The following BTLA variants were observed in gnomAD, a reference collection of about 807,000 sequenced individuals.
BTLA encodes the protein B- and T-lymphocyte attenuator.
In BTLA, 11 loss-of-function variants were observed where a neutral mutation model predicts 25.0. The ratio of observed to expected loss-of-function variants is 0.44; its 90% confidence interval spans 0.28 to 0.73. BTLA has a LOEUF of 0.73. BTLA is among the 30% of genes least tolerant of loss of function. BTLA has a pLI of 0.15. For synonymous variants in BTLA, 104 were observed against 119.8 expected (o/e 0.87, Z 0.86); for missense variants, 282 against 332.8 (o/e 0.85, Z 1.19).
intron 1 of BTLA, among the ~76,000 whole-genome samples, chr3:112,483,634 A>C (rs2082330216): frequency 6.6e-6 from 1 of 152,090 alleles, no homozygotes; most frequent in Non-Finnish European, 1.5e-5. Context: ...GGAAATAAAA[A>C]TGAATGGCAA....
At chr3:112,471,170 C>T in intron 3 of BTLA, 42 bp downstream of exon 3, 1 of 1,592,030 alleles carries the variant, frequency 6.3e-7, no homozygotes, top group Admixed American at 1.8e-5. Flanking sequence ...AAGAATGGCC[C>T]CAAATGTGTG....
At chr3:112,485,939 C>T (rs1302564444) in intron 1 of BTLA, among the ~76,000 whole-genome samples, 1 of 152,138 alleles carries the variant, frequency 6.6e-6, no homozygotes, top group Non-Finnish European at 1.5e-5. Flanking sequence ...GGTGAAACCC[C>T]GTCTCTACTA....
At chr3:112,485,263 T>G (rs1372717823) in intron 1 of BTLA, among the ~76,000 whole-genome samples, 3 of 152,114 alleles carry the variant, frequency 2.0e-5, no homozygotes, top group Non-Finnish European at 4.4e-5. Flanking sequence ...CAGGCTGATC[T>G]CGAACTCCTG....
chr3:112,474,230 A>AT (rs978029012), intron 2 of BTLA, among the ~76,000 whole-genome samples: 7 of 152,200 alleles, frequency 4.6e-5, no homozygotes, highest in Admixed American at 3.9e-4. Context: ...AAAATAAAAT[A>AT]TTTTTTATCA....
At chr3:112,488,660 C>G (rs2082362898) in intron 1 of BTLA, among the ~76,000 whole-genome samples, 1 of 152,214 alleles carries the variant, frequency 6.6e-6, no homozygotes, top group South Asian at 2.1e-4. Context: ...GTCACCCAGG[C>G]TGGAGTGCAG....
In BTLA at chr3:112,466,110, A is replaced by T. The variant is rs767706334; in HGVS notation, c.868T>A (p.Ter290LysextTer4). The T allele has an allele frequency of 1.4e-5, 22 of 1,584,646 alleles. No individual in the cohort carries two copies. The highest frequency in any genetic ancestry group is 1.8e-5 in the Non-Finnish European group (21 of 1,158,386). Reference protein sequence around the residue: ...TEYASICVRS* With the variant: ...TEYASICVRSK Reference sequence around the variant, plus strand: ...CCCTGTTGGAGTCAGAAACAGACTTAACTCCTCACACATATGGATGCATAT... The same window carrying T: ...CCCTGTTGGAGTCAGAAACAGACTTTACTCCTCACACATATGGATGCATAT... Residue 290 changes from the stop codon to lysine, a stop_lost, in exon 5 of 5, where the codon TAA becomes AAA. Coordinates refer to ENST00000334529, the MANE Select transcript of BTLA (RefSeq NM_181780.4).
intron 4 of BTLA, 131 bp downstream of exon 4, chr3:112,469,627 A>AGAATATG: frequency 5.9e-5 from 2 of 33,962 alleles, no homozygotes; most frequent in Non-Finnish European, 9.1e-5. Context: ...ATATATATAT[A>AGAATATG]TATATATATA....
At chr3:112,469,899 G>A in intron 3 of BTLA, 95 bp from the exon 4 acceptor site, 1 of 977,142 alleles carries the variant, frequency 1.0e-6, no homozygotes, top group Non-Finnish European at 1.6e-6. Context: ...GAATGCCAGG[G>A]ATAGTGTTGT....
rs753413000 is a variant in BTLA, at chr3:112,466,161, T to G, written c.817A>C (p.Arg273=). 6 of 1,610,984 alleles carry G rather than the reference T, an allele frequency of 3.7e-6. No individual in the cohort carries two copies. Among genetic ancestry groups the G allele is most frequent in the Non-Finnish European group, 5.1e-6 (6 of 1,177,506 alleles). Residue 273 remains arginine (R), a synonymous_variant, in exon 5 of 5, where the codon AGA becomes CGA. Coordinates refer to ENST00000334529, the MANE Select transcript of BTLA (RefSeq NM_181780.4). ...TCTGTTGGTGCTTCTTTTACATTTC[T>G]TGCCAGTCTTGAGTTCGGTCCAATG... The part of the protein sequence containing the change: ...SVIGPNSRLA[R]NVKEAPTEYA...
intron 2 of BTLA, among the ~76,000 whole-genome samples, chr3:112,474,652 A>G (rs1020274889): frequency 1.1e-4 from 16 of 152,214 alleles, no homozygotes; most frequent in African/African-American, 3.9e-4. Context: ...AATTGGTAAA[A>G]AGGAGTGATC....
At chr3:112,475,507 T>C (rs2082284490) in intron 2 of BTLA, among the ~76,000 whole-genome samples, 1 of 152,212 alleles carries the variant, frequency 6.6e-6, no homozygotes, top group South Asian at 2.1e-4. Flanking sequence ...ACTTGATCCC[T>C]AGAACAGGCA....
Position 112,494,109 on chromosome 3 carries a change from C to CA in BTLA, c.88+5161dup, listed in dbSNP as rs1224424668. 9.6e-3 allele frequency among the ~76,000 whole-genome samples: 1,385 copies of CA among 144,018 alleles called. 14 individuals carry two copies. Among genetic ancestry groups the CA allele is most frequent in the African/African-American group, 0.029 (1,153 of 39,422 alleles). 94.5% of individuals were successfully genotyped at this position (144,018 alleles called of 152,430 possible). On this transcript the variant is annotated intron_variant, in intron 1 of 4. Transcript: ENST00000334529. ...TGGGCGACAGAGCGACACTCTATCT[C>CA]AAAAAAAAAAAGAAGACATTTATGC...
intron 2 of BTLA, among the ~76,000 whole-genome samples, chr3:112,478,421 G>C (rs1245314368): frequency 1.3e-5 from 2 of 151,840 alleles, no homozygotes; most frequent in African/African-American, 4.8e-5. Flanking sequence ...AATTTTCTTT[G>C]TGGATTGTTT....
chr3:112,472,721 T>C (rs2082269459), intron 2 of BTLA, among the ~76,000 whole-genome samples: 1 of 152,024 alleles, frequency 6.6e-6, no homozygotes, highest in Non-Finnish European at 1.5e-5. Flanking sequence ...ATTAATTATA[T>C]TATAATGTTA....
At chr3:112,466,521 CT>C in intron 4 of BTLA, 138 bp from the exon 5 acceptor site, 8 of 725,282 alleles carry the variant, frequency 1.1e-5, no homozygotes, top group South Asian at 6.0e-5. Flanking sequence ...ACATACTCTG[CT>C]GACATCTACA....
intron 1 of BTLA, among the ~76,000 whole-genome samples, chr3:112,487,642 G>T (rs1280278273): frequency 6.6e-6 from 1 of 152,010 alleles, no homozygotes; most frequent in Non-Finnish European, 1.5e-5. Context: ...ACAGACAATG[G>T]AGCCACTTGT....
intron 4 of BTLA, among the ~76,000 whole-genome samples, chr3:112,467,897 G>A (rs944393455): frequency 6.6e-6 from 1 of 152,224 alleles, no homozygotes; most frequent in Non-Finnish European, 1.5e-5. Context: ...TTTTCAATCT[G>A]TTTAAGCCTG....
In BTLA at chr3:112,465,837, T is replaced by C. The variant is rs530777263; in HGVS notation, c.*271A>G. The C allele has an allele frequency of 3.4e-6, 1 of 296,714 alleles. No individual in the cohort carries two copies. The highest frequency in any genetic ancestry group is 1.3e-4 in the South Asian group (1 of 7,738). 18.4% of individuals were successfully genotyped at this position (296,714 alleles called of 1,614,324 possible). A position where few individuals can be genotyped will look rare whatever the true frequency, so the allele number is the denominator to read the frequency against. ...TATATTGGGTAAAATGTAGCTAAGT[T>C]TAAACGTTCTACTATTCTGCTACTC... On this transcript the variant is annotated 3_prime_UTR_variant, in exon 5 of 5. Transcript: ENST00000334529.
intron 1 of BTLA, among the ~76,000 whole-genome samples, chr3:112,492,402 A>G (rs187871106): frequency 7.1e-4 from 108 of 152,360 alleles, no homozygotes; most frequent in African/African-American, 2.5e-3. Flanking sequence ...CAGCAAATGT[A>G]GACAGCATAC....
Sources: gnomAD v4.1 joint callset for allele counts (sites outside exome capture counted in the v4.1 genomes callset) on GRCh38, gnomAD v4.1.1 for gene constraint, MANE v1.5 for transcripts, NCBI Gene and HGNC (gene_info 2026-07-23, HGNC 2026-07-21) for gene names.